Variants in PDE10A observed in about 807,000 individuals in gnomAD.
PDE10A encodes the protein cAMP and cAMP-inhibited cGMP 3',5'-cyclic phosphodiesterase 10A.
Under a neutral mutation model 97.7 loss-of-function variants are expected in PDE10A, and 39 were observed. That is an observed-to-expected ratio of 0.40 (90% CI 0.31 to 0.52). The LOEUF (loss-of-function observed/expected upper bound fraction) is 0.52. Ranked by LOEUF, PDE10A falls within the 20% of genes least tolerant of loss-of-function variation. The pLI, the probability that PDE10A is intolerant of heterozygous loss-of-function variation, is 0.56. For missense variants in PDE10A, 731 were observed against 1,047.8 expected (o/e 0.70, Z 4.17); for synonymous variants, 371 against 376.8 (o/e 0.98, Z 0.18).
chr6:165,730,732 G>A (rs1296436977), intron 1 of PDE10A, among the ~76,000 whole-genome samples: 2 of 136,018 alleles, frequency 1.5e-5, no homozygotes, highest in South Asian at 4.7e-4. Context: ...CAGCCTGGGC[G>A]ACAGAGTGAG....
At position 165,846,161 on chromosome 6, in the gene PDE10A, C is replaced by T. The variant is rs567221478; in HGVS notation, c.-615+141368G>A. 3.0e-4 allele frequency among the ~76,000 whole-genome samples: 45 copies of T among 152,256 alleles called. 3 individuals are homozygous for T. The South Asian group carries it at 8.7e-3, about 29-fold the overall frequency. Reference sequence around the variant, plus strand: ...TTGCAGGTCAAGAGCTGTTAATGCCCCCATGCAGATCAGACATTTAAAGTA... The same window carrying T: ...TTGCAGGTCAAGAGCTGTTAATGCCTCCATGCAGATCAGACATTTAAAGTA... On this transcript the variant is annotated intron_variant, in intron 1 of 19. Coordinates refer to the PDE10A transcript ENST00000366882.
Position 165,742,799 on chromosome 6 carries a change from T to A in PDE10A, c.-614-199231A>T, listed in dbSNP as rs570533687. ...CAGCTGTGCTCTTCCACCCCCTACG[T>A]CCCACTGCTGAGGGAGGGGTTCATT... On this transcript the variant is annotated intron_variant, in intron 1 of 19. Transcript: ENST00000366882. 1.4e-3 allele frequency among the ~76,000 whole-genome samples: 212 copies of A among 152,098 alleles called. 1 individual carries two copies. Among genetic ancestry groups the A allele is most frequent in the African/African-American group, 5.0e-3 (209 of 41,486 alleles).
chr6:165,591,391 T>C (rs1297435916), intron 1 of PDE10A, among the ~76,000 whole-genome samples: 1 of 152,264 alleles, frequency 6.6e-6, no homozygotes, highest in Admixed American at 6.5e-5. Flanking sequence ...ATTAGCATGA[T>C]TGTATAGTTG....
rs72442429 is a variant in PDE10A, at chr6:165,823,524, A to ATATATATATATATATATATATATG, written c.-615+164004_-615+164005insCATATATATATATATATATATATA. On this transcript the variant is annotated intron_variant, in intron 1 of 19. Coordinates refer to the PDE10A transcript ENST00000366882. ...TATATATATATATATATATATATAT[A>ATATATATATATATATATATATATG]TGAACCTTAATTATAAATATTATAT... Among the ~76,000 whole-genome samples, 18 of 79,494 alleles carry ATATATATATATATATATATATATG rather than the reference A, an allele frequency of 2.3e-4. 3 individuals carry two copies. The highest frequency in any genetic ancestry group is 8.3e-4 in the Admixed American group (5 of 6,056). The allele number at this position is 79,494 out of a possible 152,430, so 52.2% of individuals were successfully genotyped here.
chr6:165,837,119 C>T (rs2128472171), intron 1 of PDE10A, among the ~76,000 whole-genome samples: 1 of 151,196 alleles, frequency 6.6e-6, no homozygotes, highest in South Asian at 2.1e-4. Flanking sequence ...TTAGTGGGTG[C>T]AGCACACCAG....
chr6:165,422,741 C>T (rs1046608285), intron 10 of PDE10A, among the ~76,000 whole-genome samples: 2 of 152,002 alleles, frequency 1.3e-5, no homozygotes, highest in African/African-American at 4.8e-5. Flanking sequence ...AATTCAAGGA[C>T]ACATGGGAAG....
intron 1 of PDE10A, among the ~76,000 whole-genome samples, chr6:165,817,791 C>T (rs1779459764): frequency 6.6e-6 from 1 of 152,128 alleles, no homozygotes; most frequent in Non-Finnish European, 1.5e-5. Flanking sequence ...AGTTTCCTGA[C>T]CTGTAAAACA....
chr6:165,464,104 A>G (rs779664357), intron 3 of PDE10A, among the ~76,000 whole-genome samples: 12 of 152,046 alleles, frequency 7.9e-5, no homozygotes, highest in Admixed American at 2.0e-4. Context: ...TCACACCTCC[A>G]TATTTCTTTG....
At chr6:165,372,573 A>G (rs1198033309) in intron 18 of PDE10A, among the ~76,000 whole-genome samples, 1 of 150,710 alleles carries the variant, frequency 6.6e-6, no homozygotes, top group Non-Finnish European at 1.5e-5. Context: ...TCAATGAAAT[A>G]AAAGAGGATA....
chr6:165,940,241 C>T (rs1783465597), intron 1 of PDE10A: 1 of 152,350 alleles, frequency 6.6e-6, no homozygotes, highest in East Asian at 1.9e-4. Context: ...GGCTATAGCA[C>T]GTAGACTCAA....
intron 1 of PDE10A, among the ~76,000 whole-genome samples, chr6:165,608,823 A>T (rs1394380729): frequency 6.6e-6 from 1 of 152,226 alleles, no homozygotes; most frequent in Non-Finnish European, 1.5e-5. Context: ...GTGAGATGAT[A>T]TCTCATTGTG....
At chr6:165,572,916 T>G (rs901432954) in intron 1 of PDE10A, among the ~76,000 whole-genome samples, 3 of 152,238 alleles carry the variant, frequency 2.0e-5, no homozygotes, top group African/African-American at 7.2e-5. Flanking sequence ...TAATTGTAAT[T>G]CACAATTCTC....
chr6:165,951,163 C>G (rs182784073), intron 1 of PDE10A, among the ~76,000 whole-genome samples: 3 of 152,116 alleles, frequency 2.0e-5, no homozygotes, highest in African/African-American at 7.2e-5. Flanking sequence ...AAACTACCTC[C>G]GAACTGATAC....
chr6:165,767,655 T>C (rs1221386924), intron 1 of PDE10A, among the ~76,000 whole-genome samples: 2 of 152,256 alleles, frequency 1.3e-5, no homozygotes, highest in African/African-American at 4.8e-5. Flanking sequence ...TATTCCATTC[T>C]ATGGATATAT....
At chr6:165,677,814 T>C (rs1222445930) in intron 1 of PDE10A, among the ~76,000 whole-genome samples, 1 of 152,070 alleles carries the variant, frequency 6.6e-6, no homozygotes, top group Non-Finnish European at 1.5e-5. Context: ...TGCATGTGTT[T>C]GTATATATGT....
At chr6:165,820,559 A>G (rs1240211017) in intron 1 of PDE10A, among the ~76,000 whole-genome samples, 1 of 152,234 alleles carries the variant, frequency 6.6e-6, no homozygotes, top group Non-Finnish European at 1.5e-5. Context: ...GGCTTAGCAC[A>G]TCCTGGAAAG....
At chr6:165,515,332 C>T (rs935531162) in intron 2 of PDE10A, among the ~76,000 whole-genome samples, 25 of 151,916 alleles carry the variant, frequency 1.6e-4, no homozygotes, top group African/African-American at 6.0e-4. Context: ...TTTAATTATA[C>T]CTATTGTAAT....
chr6:165,407,010 C>T (rs936341036), intron 13 of PDE10A, among the ~76,000 whole-genome samples: 2 of 152,130 alleles, frequency 1.3e-5, no homozygotes, highest in Non-Finnish European at 2.9e-5. Context: ...CTGAGCTATG[C>T]TACTGGCTTT....
intron 1 of PDE10A, among the ~76,000 whole-genome samples, chr6:165,653,840 G>A (rs1789805660): frequency 6.6e-6 from 1 of 152,146 alleles, no homozygotes; most frequent in Admixed American, 6.5e-5. Flanking sequence ...CAGTGCGTAA[G>A]GAAGACCTGA....
Sources: allele counts gnomAD v4.1 joint callset (sites outside exome capture counted in the v4.1 genomes callset), GRCh38; gene constraint gnomAD v4.1.1; transcripts MANE v1.5; gene names NCBI Gene and HGNC (gene_info 2026-07-23, HGNC 2026-07-21).